The following OSBPL10 variants were observed in gnomAD, a reference collection of about 807,000 sequenced individuals.
The protein encoded by OSBPL10 is oxysterol binding protein like 10, also known as oxysterol-binding protein-related protein 10.
A neutral mutation model predicts 81.7 loss-of-function variants in OSBPL10; 49 were observed. The observed-to-expected ratio is 0.60, with a 90% CI of 0.48 to 0.76. OSBPL10 has a LOEUF of 0.76. Ranked by LOEUF, OSBPL10 falls within the 30% of genes least tolerant of loss-of-function variation. The pLI is 0.00. For missense variants in OSBPL10, 923 were observed against 987.8 expected (o/e 0.93, Z 0.88); for synonymous variants, 419 against 383.6 (o/e 1.09, Z -1.08).
At chr3:31,825,102 T>G (rs1700069354) in intron 4 of OSBPL10, among the ~76,000 whole-genome samples, 1 of 152,116 alleles carries the variant, frequency 6.6e-6, no homozygotes, top group South Asian at 2.1e-4. Flanking sequence ...AGTTTGACCT[T>G]TATCCTATGG....
intron 4 of OSBPL10, among the ~76,000 whole-genome samples, chr3:31,783,204 C>G (rs1559462965): frequency 1.3e-5 from 2 of 148,822 alleles, no homozygotes; most frequent in East Asian, 1.9e-4. Flanking sequence ...ATGGCATTCA[C>G]AGCAACCTGG....
intron 8 of OSBPL10, among the ~76,000 whole-genome samples, chr3:31,677,253 T>G (rs1051967140): frequency 6.6e-6 from 1 of 152,288 alleles, no homozygotes; most frequent in East Asian, 1.9e-4. Context: ...GCTTCGAAGT[T>G]TGGAGATTCT....
At chr3:31,700,266 CAT>C (rs1262622748) in intron 7 of OSBPL10, 1 of 152,196 alleles carries the variant, frequency 6.6e-6, no homozygotes, top group Non-Finnish European at 1.5e-5. Flanking sequence ...GCAAAACAAT[CAT>C]ATTCTAATAA....
intron 6 of OSBPL10, among the ~76,000 whole-genome samples, chr3:31,702,911 T>C (rs1348858528): frequency 6.6e-6 from 1 of 152,208 alleles, no homozygotes; most frequent in Non-Finnish European, 1.5e-5. Context: ...AATTTTTCTG[T>C]TTATAAGTAA....
intron 5 of OSBPL10, among the ~76,000 whole-genome samples, chr3:31,738,066 G>A (rs1304441392): frequency 1.3e-5 from 2 of 151,568 alleles, no homozygotes; most frequent in East Asian, 3.9e-4. Context: ...AAGGATCCAT[G>A]TTCCTGAAGG....
At chr3:31,888,056 C>T (rs534045898) in intron 1 of OSBPL10, among the ~76,000 whole-genome samples, 1 of 152,164 alleles carries the variant, frequency 6.6e-6, no homozygotes, top group Non-Finnish European at 1.5e-5. Flanking sequence ...TTAGAACACA[C>T]TACCAGACTT....
intron 3 of OSBPL10, among the ~76,000 whole-genome samples, chr3:31,832,067 T>C (rs1245133695): frequency 2.0e-5 from 3 of 152,228 alleles, no homozygotes; most frequent in Non-Finnish European, 4.4e-5. Flanking sequence ...GAGAGGTCTC[T>C]ATGAATTGAT....
At chr3:31,736,700 AAG>A (rs1697185437) in intron 5 of OSBPL10, among the ~76,000 whole-genome samples, 2 of 152,224 alleles carry the variant, frequency 1.3e-5, no homozygotes, top group Admixed American at 6.5e-5. Context: ...TTAAAAGATA[AAG>A]AAGTTTGGGC....
intron 1 of OSBPL10, among the ~76,000 whole-genome samples, chr3:32,076,151 C>T (rs1183179176): frequency 1.3e-5 from 2 of 152,022 alleles, no homozygotes; most frequent in African/African-American, 2.4e-5. Flanking sequence ...GGGTGGATCA[C>T]GAGGTCAGGA....
At chr3:31,977,700 T>C (rs1698727602) in intron 1 of OSBPL10, among the ~76,000 whole-genome samples, 3 of 152,210 alleles carry the variant, frequency 2.0e-5, no homozygotes. Context: ...TTCATAGCAC[T>C]TGCCACTTTC....
intron 1 of OSBPL10, among the ~76,000 whole-genome samples, chr3:32,070,293 G>T (rs199773369): frequency 6.6e-6 from 1 of 152,078 alleles, no homozygotes; most frequent in East Asian, 1.9e-4. Flanking sequence ...CCCCACTCTG[G>T]TGCCAGCTTG....
intron 4 of OSBPL10, among the ~76,000 whole-genome samples, chr3:31,772,303 C>CT (rs1698405066): frequency 6.6e-6 from 1 of 152,170 alleles, no homozygotes; most frequent in Non-Finnish European, 1.5e-5. Flanking sequence ...AACCCCTTTC[C>CT]TTTTTAACAT....
At chr3:31,718,572 A>T (rs1696528278) in intron 6 of OSBPL10, among the ~76,000 whole-genome samples, 2 of 152,264 alleles carry the variant, frequency 1.3e-5, no homozygotes, top group African/African-American at 4.8e-5. Context: ...TTCATAAAAC[A>T]GGATCATGAA....
intron 1 of OSBPL10, among the ~76,000 whole-genome samples, chr3:32,076,362 C>T (rs992479403): frequency 1.3e-5 from 2 of 149,842 alleles, no homozygotes; most frequent in African/African-American, 2.5e-5. Flanking sequence ...AGTGAGACTC[C>T]ATCTCAAAAA....
rs377416859 is a variant in OSBPL10 at position 32,043,119 on chromosome 3, C to G, written n.298+3372G>C. Among the ~76,000 whole-genome samples, 5 of 152,138 alleles carry G rather than the reference C, an allele frequency of 3.3e-5. No individual in the cohort carries two copies. The East Asian group carries it at 7.7e-4, about 23-fold the overall frequency. On this transcript the variant is annotated intron_variant and non_coding_transcript_variant, in intron 2 of 3. Coordinates refer to the OSBPL10 transcript ENST00000479173. Reference sequence around the variant, plus strand: ...GGGCACATTTCAGCCCTTATCTCAACTGCATAAGACAGACACTCCCAGAGC... The same window carrying G: ...GGGCACATTTCAGCCCTTATCTCAAGTGCATAAGACAGACACTCCCAGAGC...
chr3:31,771,012 TCA>T (rs1310585551), intron 4 of OSBPL10, among the ~76,000 whole-genome samples: 6 of 152,306 alleles, frequency 3.9e-5, no homozygotes, highest in South Asian at 4.1e-4. Context: ...TTCCTTGGCC[TCA>T]GTTTCCTTAC....
chr3:31,884,542 G>A (rs1695679082), intron 1 of OSBPL10, among the ~76,000 whole-genome samples: 2 of 152,186 alleles, frequency 1.3e-5, no homozygotes, highest in Non-Finnish European at 2.9e-5. Flanking sequence ...ATTCCTGTGG[G>A]TCACATTCCC....
intron 3 of OSBPL10, among the ~76,000 whole-genome samples, chr3:31,852,061 C>T (rs1263241260): frequency 2.6e-5 from 4 of 152,170 alleles, no homozygotes; most frequent in Non-Finnish European, 4.4e-5. Flanking sequence ...TGAAAAAGGA[C>T]CTCAAGTGAA....
At chr3:32,033,641 G>C (rs1042955408) in intron 2 of OSBPL10, among the ~76,000 whole-genome samples, 1 of 152,194 alleles carries the variant, frequency 6.6e-6, no homozygotes, top group East Asian at 1.9e-4. Flanking sequence ...TCTATGATAG[G>C]TTTTATGAGA....
Sources: allele counts gnomAD v4.1 joint callset (sites outside exome capture counted in the v4.1 genomes callset), GRCh38; gene constraint gnomAD v4.1.1; transcripts MANE v1.5; gene names NCBI Gene and HGNC (gene_info 2026-07-23, HGNC 2026-07-21).